HCN1: variants seen among roughly 807,000 people sequenced by gnomAD.
HCN1 encodes potassium/sodium hyperpolarization-activated cyclic nucleotide-gated channel 1.
In HCN1, 13 loss-of-function variants were observed where a neutral mutation model predicts 78.9. The ratio of observed to expected loss-of-function variants is 0.16; its 90% CI spans 0.11 to 0.26. HCN1 has a LOEUF of 0.26. Among genes scored for constraint, HCN1 ranks in the 10% least tolerant of loss-of-function variants. The pLI, the probability that HCN1 is intolerant of heterozygous loss-of-function variation, is 1.00. For synonymous variants in HCN1, 552 were observed against 455.5 expected, an observed-to-expected ratio of 1.21 and a Z score of -2.70; for missense variants, 810 against 1,154.3, an observed-to-expected ratio of 0.70 and a Z score of 4.32.
At chr5:45,615,883 TG>T (rs1014845865) in intron 2 of HCN1, among the ~76,000 whole-genome samples, 9 of 151,834 alleles carry the variant, frequency 5.9e-5, no homozygotes, top group African/African-American at 1.9e-4. Context: ...TAGCTTGAAA[TG>T]CAACAGTTAT....
intron 5 of HCN1, among the ~76,000 whole-genome samples, chr5:45,323,107 G>A (rs1746155496): frequency 1.3e-5 from 2 of 151,728 alleles, no homozygotes; most frequent in South Asian, 4.2e-4. Context: ...TTGGACAGGT[G>A]GATATACTTC....
Position 45,375,858 on chromosome 5 carries a change from GAT to G in HCN1, c.1230+20632_1230+20633del, listed in dbSNP as rs1324257843. 1.1e-4 allele frequency among the ~76,000 whole-genome samples: 12 copies of G among 109,652 alleles called. 1 individual carries two copies. The highest frequency in any genetic ancestry group is 6.9e-5 in the Non-Finnish European group (4 of 57,922). 71.9% of individuals were successfully genotyped at this position (109,652 alleles called of 152,430 possible). ...TCTTATATATAATATAATATTTTAT[GAT>G]ATATCTTATATATATTTTATCTTAT... is the stretch of plus-strand genomic sequence containing the variant. On this transcript the variant is annotated intron_variant, in intron 4 of 7. Transcript: ENST00000303230.
intron 5 of HCN1, among the ~76,000 whole-genome samples, chr5:45,306,842 T>C (rs1745745002): frequency 2.0e-5 from 3 of 152,196 alleles, no homozygotes; most frequent in South Asian, 4.1e-4. Flanking sequence ...TGCATTAAAT[T>C]GAGGAAAGGT....
chr5:45,323,910 A>G (rs892406316), intron 5 of HCN1, among the ~76,000 whole-genome samples: 5 of 151,974 alleles, frequency 3.3e-5, no homozygotes, highest in African/African-American at 9.7e-5. Context: ...TTATAGCTGC[A>G]TAGTATTCCA....
At chr5:45,383,031 G>C (rs946795204) in intron 4 of HCN1, among the ~76,000 whole-genome samples, 1 of 150,270 alleles carries the variant, frequency 6.7e-6, no homozygotes, top group Non-Finnish European at 1.5e-5. Flanking sequence ...CATAACGTTT[G>C]TTTGTAAAGT....
At chr5:45,315,502 G>T (rs915196928) in intron 5 of HCN1, among the ~76,000 whole-genome samples, 16 of 152,082 alleles carry the variant, frequency 1.1e-4, no homozygotes, top group African/African-American at 3.6e-4. Context: ...ACAATTAAAA[G>T]AACTAGAAAA....
At chr5:45,270,281 T>G (rs954042314) in intron 6 of HCN1, among the ~76,000 whole-genome samples, 1 of 152,240 alleles carries the variant, frequency 6.6e-6, no homozygotes, top group Non-Finnish European at 1.5e-5. Flanking sequence ...ACTTACTTTC[T>G]CTGGCATTTT....
intron 2 of HCN1, among the ~76,000 whole-genome samples, chr5:45,634,682 T>C (rs1351180613): frequency 2.6e-5 from 4 of 152,022 alleles, no homozygotes; most frequent in African/African-American, 9.7e-5. Context: ...ACAACAAATA[T>C]GTGTCAGGAG....
At chr5:45,495,814 T>C (rs1453256989) in intron 2 of HCN1, among the ~76,000 whole-genome samples, 1 of 152,096 alleles carries the variant, frequency 6.6e-6, no homozygotes, top group Non-Finnish European at 1.5e-5. Flanking sequence ...GCATGAAGGG[T>C]TGTTGAATTT....
At chr5:45,668,115 T>C (rs1276731121) in intron 1 of HCN1, among the ~76,000 whole-genome samples, 1 of 151,974 alleles carries the variant, frequency 6.6e-6, no homozygotes, top group Non-Finnish European at 1.5e-5. Flanking sequence ...AAATCAAACT[T>C]TTTTATGCCA....
At chr5:45,416,914 T>C (rs967564874) in intron 3 of HCN1, among the ~76,000 whole-genome samples, 1 of 152,026 alleles carries the variant, frequency 6.6e-6, no homozygotes, top group African/African-American at 2.4e-5. Flanking sequence ...TTCAAAACTT[T>C]TCTGTTTTTA....
At chr5:45,314,669 C>T in intron 5 of HCN1, among the ~76,000 whole-genome samples, 1 of 151,962 alleles carries the variant, frequency 6.6e-6, no homozygotes, top group East Asian at 1.9e-4. Flanking sequence ...TTCAGGAGAC[C>T]CATCTCACAT....
chr5:45,484,496 T>A lies in HCN1; in HGVS notation c.850-22489A>T, dbSNP rs556450973. ...TCATTGGACTTCCAGGGAAGCCCTTTGGTGCAGACATGACTCAAAGAGGGG... is the reference window on the plus strand; with the variant it reads ...TCATTGGACTTCCAGGGAAGCCCTTAGGTGCAGACATGACTCAAAGAGGGG... On this transcript the variant is annotated intron_variant, in intron 2 of 7. Coordinates refer to ENST00000303230, the MANE Select transcript of HCN1 (RefSeq NM_021072.4). 5.9e-5 allele frequency among the ~76,000 whole-genome samples: 9 copies of A among 152,238 alleles called. No homozygotes were observed. In the East Asian group the frequency reaches 1.5e-3, roughly 26 times the overall value.
At chr5:45,470,063 G>GA (rs2111648218) in intron 2 of HCN1, among the ~76,000 whole-genome samples, 1 of 152,088 alleles carries the variant, frequency 6.6e-6, no homozygotes, top group African/African-American at 2.4e-5. Context: ...ACAGGCTTCT[G>GA]AAAAAACTGT....
chr5:45,461,466 T>C (rs1741155438), intron 3 of HCN1, among the ~76,000 whole-genome samples: 2 of 152,252 alleles, frequency 1.3e-5, no homozygotes, highest in Admixed American at 1.3e-4. Flanking sequence ...TAAAAGTGTA[T>C]GTCTTGAACC....
intron 5 of HCN1, among the ~76,000 whole-genome samples, chr5:45,309,726 T>C (rs1745813462): frequency 6.6e-6 from 1 of 152,092 alleles, no homozygotes; most frequent in Non-Finnish European, 1.5e-5. Flanking sequence ...TACTTGAGTT[T>C]TGGTGGATAA....
Position 45,291,583 on chromosome 5 carries a change from T to C in HCN1, c.1618+12016A>G, listed in dbSNP as rs575921366. ...TTTTTGAGACAGAGTTGCACTCTGT[T>C]GCCCAGGCTGGAGTGCAATGGTACA... On this transcript the variant is annotated intron_variant, in intron 6 of 7. Coordinates refer to ENST00000303230, the MANE Select transcript of HCN1 (RefSeq NM_021072.4). Among the ~76,000 whole-genome samples, 179 of 152,140 alleles carry C rather than the reference T, an allele frequency of 1.2e-3. 1 individual carries two copies. Among genetic ancestry groups the C allele is most frequent in the African/African-American group, 4.1e-3 (169 of 41,540 alleles).
At chr5:45,543,526 A>G (rs1743145126) in intron 2 of HCN1, among the ~76,000 whole-genome samples, 1 of 152,068 alleles carries the variant, frequency 6.6e-6, no homozygotes, top group Non-Finnish European at 1.5e-5. Flanking sequence ...AAAAATAACT[A>G]TATAAAGAAA....
chr5:45,474,081 T>C lies in HCN1; in HGVS notation c.850-12074A>G, dbSNP rs555316204. Among the ~76,000 whole-genome samples the C allele has an allele frequency of 2.0e-5, 3 of 151,988 alleles. No individual in the cohort carries two copies. The South Asian group carries it at 6.2e-4, about 31-fold the overall frequency. ...AATGTTCACTCTCAGATCTCTCTAG[T>C]TCCACCCTACACATTTTAGTTGAGG... On this transcript the variant is annotated intron_variant, in intron 2 of 7. Transcript: ENST00000303230.
Sources: gnomAD v4.1 joint callset for allele counts (sites outside exome capture counted in the v4.1 genomes callset) on GRCh38, gnomAD v4.1.1 for gene constraint, MANE v1.5 for transcripts, NCBI Gene and HGNC (gene_info 2026-07-23, HGNC 2026-07-21) for gene names.